The following PFAS variants were observed in gnomAD, a reference collection of about 807,000 sequenced individuals.
The protein encoded by PFAS is FGAM synthase.
In PFAS, 97 loss-of-function variants were observed where a neutral mutation model predicts 140.6. The ratio of observed to expected loss-of-function variants is 0.69; its 90% CI spans 0.59 to 0.82. The LOEUF (loss-of-function observed/expected upper bound fraction) is 0.82. Among genes scored for constraint, PFAS ranks in the 40% least tolerant of loss-of-function variants. PFAS has a pLI of 0.00. For synonymous variants in PFAS, 679 were observed against 718.8 expected (o/e 0.94, Z 0.88); for missense variants, 1,656 against 1,780.2 (o/e 0.93, Z 1.26).
upstream of PFAS, chr17:8,248,098 G>T (rs1003211163): frequency 1.9e-6 from 2 of 1,027,796 alleles, no homozygotes; most frequent in Non-Finnish European, 2.9e-6. Context: ...GGATGGGGGT[G>T]GGGGGGCGCT....
At chr17:8,260,815 G>A (rs1318225071) in intron 11 of PFAS, among the ~76,000 whole-genome samples, 2 of 152,018 alleles carry the variant, frequency 1.3e-5, no homozygotes, top group East Asian at 1.9e-4. Context: ...TAGCAGAGAC[G>A]GGGTTTTGCC....
At position 8,265,396 on chromosome 17, in the gene PFAS, G is replaced by C. The variant is rs1294839540; in HGVS notation, c.2389G>C (p.Val797Leu). The C allele has an allele frequency of 1.9e-6, 3 of 1,614,178 alleles. No individual in the cohort carries two copies. In the South Asian group the frequency reaches 3.3e-5, roughly 18 times the overall value. ...AMVAVMAALG[V>L]AVDGGKDSLS... ...GGTGGCAGTGATGGCAGCCCTGGGT[G>C]TGGCAGTGGATGGTGGCAAGGACTC... is the stretch of plus-strand genomic sequence containing the variant. Residue 797 changes from valine to leucine, a missense_variant, in exon 19 of 28, where the codon GTG (valine) becomes CTG (leucine). By Grantham distance (32) the Val-to-Leu change is conservative. This residue lies in a region of PFAS where 883 missense variants were observed against 1,023.0 expected (regional missense o/e 0.86). Coordinates refer to ENST00000314666, the MANE Select transcript of PFAS (RefSeq NM_012393.3).
At chr17:8,247,882 C>T (rs1199230396), upstream of PFAS, 11 of 966,148 alleles carry the variant, frequency 1.1e-5, no homozygotes, top group Admixed American at 4.1e-5. Flanking sequence ...CTCACAACCC[C>T]CTCACCCATG....
At position 8,270,253 on chromosome 17, in the gene PFAS, A is replaced by C. The variant is rs2151599960; in HGVS notation, c.*989A>C. On this transcript the variant is annotated 3_prime_UTR_variant, in exon 28 of 28. Coordinates refer to ENST00000314666, the MANE Select transcript of PFAS (RefSeq NM_012393.3). ...TAACCCTTTAGTATGCTGGAATTCT[A>C]CTCTTCACTTACTGCATTGACTGTT... The C allele has an allele frequency of 6.6e-6, 1 of 152,126 alleles. No individual in the cohort carries two copies. Among genetic ancestry groups the C allele is most frequent in the African/African-American group, 2.4e-5 (1 of 41,500 alleles). 9.4% of individuals were successfully genotyped at this position (152,126 alleles called of 1,614,324 possible).
Position 8,264,278 on chromosome 17 carries a change from CCCCTGCCAA to C in PFAS, c.1862_1870del (p.Leu621_Thr623del). ...TGGCCAGGGGGATGCCCCCCCGACA[CCCCTGCCAA>C]CCCCTGTGGACCTGGAGCTCGAATG... On this transcript the variant is annotated inframe_deletion, in exon 16 of 28. Transcript: ENST00000314666. 3 of 1,613,858 alleles carry C rather than the reference CCCCTGCCAA, an allele frequency of 1.9e-6. No individual in the cohort carries two copies. The highest frequency in any genetic ancestry group is 2.5e-6 in the Non-Finnish European group (3 of 1,179,832).
In PFAS at chr17:8,254,988, G is replaced by A. The variant is rs145842647; in HGVS notation, c.279-39G>A. 7.0e-5 allele frequency: 102 copies of A among 1,462,646 alleles called. No individual in the cohort carries two copies. In the African/African-American group the frequency reaches 1.0e-3, roughly 15 times the overall value. 90.6% of individuals were successfully genotyped at this position (1,462,646 alleles called of 1,614,324 possible). On this transcript the variant is annotated intron_variant, in intron 3 of 27. Transcript: ENST00000314666. The stretch of plus-strand genomic sequence containing the variant: ...TCCACCCTCCCAGCTGAGGCCTGCC[G>A]GGGGTTCTCCAGTCCTAACCATCAG...
Position 8,265,394 on chromosome 17 carries a change from G to T in PFAS, c.2387G>T (p.Gly796Val), listed in dbSNP as rs1228542293. 2 of 1,614,222 alleles carry T rather than the reference G, an allele frequency of 1.2e-6. No individual in the cohort carries two copies. The highest frequency in any genetic ancestry group is 1.7e-6 in the Non-Finnish European group (2 of 1,180,038). ...ATGGTGGCAGTGATGGCAGCCCTGG[G>T]TGTGGCAGTGGATGGTGGCAAGGAC... ...EAMVAVMAAL[G>V]VAVDGGKDSL... The change falls in exon 19 of 28, where the codon GGT (glycine) becomes GTT (valine). Residue 796 changes from glycine to valine, a missense_variant. By Grantham distance (109) the Gly-to-Val change is moderately radical. Transcript: ENST00000314666.
In PFAS at chr17:8,253,902, A is replaced by C. The variant is rs1259845085; in HGVS notation, c.-36A>C. The C allele has an allele frequency of 3.1e-6, 5 of 1,588,346 alleles. No individual in the cohort carries two copies. Among genetic ancestry groups the C allele is most frequent in the Non-Finnish European group, 4.3e-6 (5 of 1,165,240 alleles). ...CAGCAAAGGACACATCTCTCCAGCAAAGGACACCTCTCTCCAGCAAAGGAC... is the reference window on the plus strand; with the variant it reads ...CAGCAAAGGACACATCTCTCCAGCACAGGACACCTCTCTCCAGCAAAGGAC... On this transcript the variant is annotated 5_prime_UTR_variant, in exon 2 of 28. Transcript: ENST00000314666.
intron 26 of PFAS, among the ~76,000 whole-genome samples, chr17:8,268,083 C>T (rs563335823): frequency 2.0e-4 from 28 of 141,730 alleles, no homozygotes; most frequent in African/African-American, 5.4e-4. Flanking sequence ...TTTTTTGAGA[C>T]GGAGTTTCAC....
chr17:8,261,541 G>A (rs1567640865), intron 11 of PFAS, among the ~76,000 whole-genome samples: 1 of 151,918 alleles, frequency 6.6e-6, no homozygotes, highest in Non-Finnish European at 1.5e-5. Flanking sequence ...ACCTGGCCGA[G>A]CATGTTTTCG....
chr17:8,256,579 A>G lies in PFAS; in HGVS notation c.877A>G (p.Ser293Gly), dbSNP rs762262543. Residue 293 changes from serine (S) to glycine (G), a missense_variant, in exon 8 of 28, where the codon AGC becomes GGC. Transcript: ENST00000314666. Reference protein sequence around the residue: ...FLRPEDPTRPSRFQQQQGLRH... With the variant: ...FLRPEDPTRPGRFQQQQGLRH... ...ACGGCCTGAGGACCCCACACGGCCAAGCCGCTTCCAGCAACAGCAAGGGCT... is the reference window on the plus strand; with the variant it reads ...ACGGCCTGAGGACCCCACACGGCCAGGCCGCTTCCAGCAACAGCAAGGGCT... 7.7e-5 allele frequency: 125 copies of G among 1,614,072 alleles called. 3 individuals carry two copies. The South Asian group carries it at 1.3e-3, about 17-fold the overall frequency.
At chr17:8,248,409 AATTTTTT>A (rs2151565960), upstream of PFAS, among the ~76,000 whole-genome samples, 1 of 30,584 alleles carries the variant, frequency 3.3e-5, no homozygotes, top group East Asian at 4.8e-4. Context: ...ACGCCCGGCT[AATTTTTT>A]TTTTTTTTTT....
At chr17:8,264,076 A>G in intron 15 of PFAS, 136 bp from the exon 16 acceptor site, 1 of 1,457,274 alleles carries the variant, frequency 6.9e-7, no homozygotes, top group Non-Finnish European at 9.6e-7. Flanking sequence ...GGAATGTTGG[A>G]TCCAAGGAGG....
rs759376718 is a variant in PFAS at position 8,254,009 on chromosome 17, G to A, written c.72G>A (p.Arg24=). 1.1e-5 allele frequency: 17 copies of A among 1,613,980 alleles called. No homozygotes were observed. Among genetic ancestry groups the A allele is most frequent in the Non-Finnish European group, 1.0e-5 (12 of 1,179,968 alleles). The change falls in exon 2 of 28, where the codon AGG becomes AGA. Residue 24 remains arginine (R), a synonymous_variant. Transcript: ENST00000314666. The stretch of plus-strand genomic sequence containing the variant: ...GGGCAGCCCCTGGACACACTCGGAG[G>A]AAACTGCAAGGGAAACTGCCAGAGC... ...HEGAAPGHTR[R]KLQGKLPELQ... is the part of the protein sequence containing the mutation.
chr17:8,266,999 G>A lies in PFAS; in HGVS notation c.2968-29G>A. On this transcript the variant is annotated intron_variant, in intron 23 of 27. Transcript: ENST00000314666. The surrounding 1 kb of genome is among the most constrained non-coding windows in gnomAD (Gnocchi z 5.0). ...GTGGAGGGGGCCATCCTTTCTCCTA[G>A]CCCGTGGGAGATTTGTTCCTCTTCC... is the stretch of plus-strand genomic sequence containing the variant. The A allele has an allele frequency of 1.2e-6, 2 of 1,611,758 alleles. No homozygotes were observed. Among genetic ancestry groups the A allele is most frequent in the Non-Finnish European group, 1.7e-6 (2 of 1,179,390 alleles).
rs375704109 is a variant in PFAS, at chr17:8,255,577, T to C, written c.460T>C (p.Phe154Leu). Residue 154 changes from phenylalanine (F) to leucine (L), a missense_variant, in exon 5 of 28, where the codon TTC becomes CTC. Physicochemically the swap from Phe to Leu is conservative, Grantham distance 22. Around this residue, in one of 2 missense-constraint regions of PFAS, gnomAD observed 773 missense variants for 757.3 expected, o/e 1.02. Coordinates refer to ENST00000314666, the MANE Select transcript of PFAS (RefSeq NM_012393.3). Reference protein sequence around the residue: ...TLHDRMTEQHFPHPIQSFSPE... With the variant: ...TLHDRMTEQHLPHPIQSFSPE... ...GCACGACCGGATGACAGAGCAGCAC[T>C]TCCCCCATCCCATCCAGAGTTTCTC... The C allele has an allele frequency of 2.7e-4, 422 of 1,555,554 alleles. No homozygotes were observed. The highest frequency in any genetic ancestry group is 3.5e-4 in the Non-Finnish European group (405 of 1,156,262).
chr17:8,248,010 A>T, upstream of PFAS: 1 of 1,434,890 alleles, frequency 7.0e-7, no homozygotes, highest in Non-Finnish European at 9.4e-7. Flanking sequence ...TCACGGAGGA[A>T]GGGACCTGGG....
chr17:8,256,227 G>A (rs770011828), intron 6 of PFAS, 40 bp from the exon 7 acceptor site: 20 of 1,602,738 alleles, frequency 1.2e-5, no homozygotes, highest in Admixed American at 1.2e-4. Context: ...AAATGACCCC[G>A]TTTCCACCTG....
chr17:8,266,911 G>A lies in PFAS; in HGVS notation c.2967+13G>A. On this transcript the variant is annotated intron_variant, in intron 23 of 27. Transcript: ENST00000314666. This position sits in a 1 kb window ranked among gnomAD's most constrained non-coding sequence, Gnocchi z 5.0. ...GCCCCACGCCATGGTGAGGAAGTGA[G>A]GGAGAGAGCGGTGTGCAGTGGGCAG... is the stretch of plus-strand genomic sequence containing the variant. The A allele has an allele frequency of 6.2e-7, 1 of 1,600,450 alleles. No homozygotes were observed. Among genetic ancestry groups the A allele is most frequent in the Non-Finnish European group, 8.5e-7 (1 of 1,176,466 alleles).
Sources: allele counts gnomAD v4.1 joint callset (sites outside exome capture counted in the v4.1 genomes callset), GRCh38; gene constraint gnomAD v4.1.1; regional missense constraint gnomAD v4.1.1; non-coding constraint Gnocchi (gnomAD v3.1); transcripts MANE v1.5; gene names NCBI Gene and HGNC (gene_info 2026-07-23, HGNC 2026-07-21).